The following KAZN variants were observed in gnomAD, a reference collection of about 807,000 sequenced individuals.
The protein encoded by KAZN is kazrin.
In KAZN, 40 loss-of-function variants were observed where a neutral mutation model predicts 87.4. That is an observed-to-expected ratio of 0.46 (90% CI 0.36 to 0.60). The LOEUF is 0.60. Among genes scored for constraint, KAZN ranks in the 20% least tolerant of loss-of-function variants. The probability of loss-of-function intolerance (pLI) is 0.00; values close to 1 mark genes in which losing one functional copy is unlikely to be tolerated. For synonymous variants in KAZN, 466 were observed against 458.3 expected (o/e 1.02, Z -0.22); for missense variants, 898 against 1,073.9 (o/e 0.84, Z 2.29).
chr1:14,724,337 C>G (rs952300650), intron 1 of KAZN, among the ~76,000 whole-genome samples: 2 of 152,200 alleles, frequency 1.3e-5, no homozygotes, highest in African/African-American at 4.8e-5. Context: ...ACAGTAACCA[C>G]AATATCGATG....
chr1:14,576,078 T>C (rs1675159789), intron 2 of KAZN, among the ~76,000 whole-genome samples: 1 of 152,148 alleles, frequency 6.6e-6, no homozygotes, highest in Non-Finnish European at 1.5e-5. Flanking sequence ...TAACTTGGAG[T>C]TGGGAGATGA....
chr1:14,933,112 AT>A (rs1461246627), intron 1 of KAZN, among the ~76,000 whole-genome samples: 1 of 152,128 alleles, frequency 6.6e-6, no homozygotes, highest in Non-Finnish European at 1.5e-5. Context: ...TATTTATGAG[AT>A]GGAGTTTCGC....
At chr1:14,457,237 G>T (rs1667613925) in intron 2 of KAZN, among the ~76,000 whole-genome samples, 2 of 152,286 alleles carry the variant, frequency 1.3e-5, no homozygotes, top group South Asian at 4.2e-4. Flanking sequence ...CTAATATAGT[G>T]ATAATTCACT....
At chr1:14,478,587 C>T (rs1430046160) in intron 2 of KAZN, among the ~76,000 whole-genome samples, 2 of 152,106 alleles carry the variant, frequency 1.3e-5, no homozygotes, top group East Asian at 3.9e-4. Flanking sequence ...TTCCTTCTTC[C>T]TTACTCTTCC....
At chr1:14,456,973 G>C (rs889057380) in intron 2 of KAZN, among the ~76,000 whole-genome samples, 1 of 152,202 alleles carries the variant, frequency 6.6e-6, no homozygotes, top group Non-Finnish European at 1.5e-5. Flanking sequence ...CCAGCTACTT[G>C]GGAGGCTAGG....
Position 15,077,093 on chromosome 1 carries a change from G to T in KAZN, c.1222+11340G>T, listed in dbSNP as rs1315666393. On this transcript the variant is annotated intron_variant, in intron 8 of 14. Coordinates refer to ENST00000376030, the MANE Select transcript of KAZN (RefSeq NM_201628.3). The surrounding 1 kb of genome is among the most constrained non-coding windows in gnomAD (Gnocchi z 4.8). Reference sequence around the variant, plus strand: ...GCAATGCCAGCCTGGTGTTTCCAGAGCTCCAGATCTTCTAGAGAAGCCAAA... The same window carrying T: ...GCAATGCCAGCCTGGTGTTTCCAGATCTCCAGATCTTCTAGAGAAGCCAAA... Among the ~76,000 whole-genome samples, 2 of 152,238 alleles carry T rather than the reference G, an allele frequency of 1.3e-5. No homozygotes were observed. Among genetic ancestry groups the T allele is most frequent in the Non-Finnish European group, 1.5e-5 (1 of 68,046 alleles).
intron 13 of KAZN, among the ~76,000 whole-genome samples, chr1:15,104,873 G>A (rs1245494263): frequency 2.0e-5 from 3 of 152,134 alleles, no homozygotes; most frequent in African/African-American, 7.2e-5. Context: ...CTTCTTCAAA[G>A]GTACCAAGCT....
chr1:14,632,734 C>G (rs1176906859), intron 1 of KAZN, among the ~76,000 whole-genome samples: 1 of 152,050 alleles, frequency 6.6e-6, no homozygotes, highest in African/African-American at 2.4e-5. Flanking sequence ...CAGAAATCCG[C>G]TTGTTTGATT....
At chr1:13,944,303 A>G (rs1641052418) in intron 1 of KAZN, among the ~76,000 whole-genome samples, 1 of 152,250 alleles carries the variant, frequency 6.6e-6, no homozygotes, top group South Asian at 2.1e-4. Flanking sequence ...TTCCATTTCT[A>G]TGATATATCC....
At chr1:14,035,584 C>T (rs1641518208) in intron 1 of KAZN, among the ~76,000 whole-genome samples, 1 of 146,662 alleles carries the variant, frequency 6.8e-6, no homozygotes, top group Middle Eastern at 3.4e-3. Flanking sequence ...ATCCTCCCAC[C>T]TCAGCCCCTC....
chr1:14,783,050 T>A (rs1645404040), intron 1 of KAZN, among the ~76,000 whole-genome samples: 1 of 152,024 alleles, frequency 6.6e-6, no homozygotes, highest in African/African-American at 2.4e-5. Flanking sequence ...CTGGAGGAGC[T>A]AGCATGAAAA....
At chr1:13,906,456 C>A (rs1358785782) in intron 1 of KAZN, among the ~76,000 whole-genome samples, 1 of 152,154 alleles carries the variant, frequency 6.6e-6, no homozygotes, top group South Asian at 2.1e-4. Flanking sequence ...GGAAATGATG[C>A]TTCTAAAACC....
At chr1:13,981,128 T>TATATGTATATA (rs375605048) in intron 1 of KAZN, among the ~76,000 whole-genome samples, 1 of 134,464 alleles carries the variant, frequency 7.4e-6, no homozygotes, top group Non-Finnish European at 1.6e-5. Flanking sequence ...TAAACACAGA[T>TATATGTATATA]TATATATAGT....
intron 1 of KAZN, among the ~76,000 whole-genome samples, chr1:14,841,996 T>A (rs543110436): frequency 6.6e-6 from 1 of 152,354 alleles, no homozygotes; most frequent in East Asian, 1.9e-4. Flanking sequence ...CTAACCTCCT[T>A]CAGGGCTTTG....
At chr1:13,900,527 C>T (rs1260082690) in intron 1 of KAZN, among the ~76,000 whole-genome samples, 2 of 152,158 alleles carry the variant, frequency 1.3e-5, no homozygotes, top group African/African-American at 4.8e-5. Flanking sequence ...GAAGTGGGGT[C>T]CTCATAGCCT....
intron 1 of KAZN, among the ~76,000 whole-genome samples, chr1:13,913,833 G>A (rs1347802481): frequency 6.6e-6 from 1 of 152,180 alleles, no homozygotes; most frequent in African/African-American, 2.4e-5. Flanking sequence ...CTCACTGCAG[G>A]CCTGTTTATT....
At chr1:14,661,115 C>A (rs79683328) in intron 1 of KAZN, among the ~76,000 whole-genome samples, 5,965 of 152,276 alleles carry the variant, frequency 0.039, 180 homozygotes, top group African/African-American at 0.073. Flanking sequence ...CACAAAAATT[C>A]TGTGAGGGAG....
chr1:13,897,686 G>C (rs1639095659), intron 1 of KAZN, among the ~76,000 whole-genome samples: 2 of 152,140 alleles, frequency 1.3e-5, no homozygotes, highest in Admixed American at 6.5e-5. Context: ...GCAGAGTTGA[G>C]ATTTAAACTT....
At chr1:15,058,251 A>G (rs570616825) in intron 5 of KAZN, among the ~76,000 whole-genome samples, 1 of 152,320 alleles carries the variant, frequency 6.6e-6, no homozygotes, top group East Asian at 1.9e-4. Flanking sequence ...TCCCCATGTT[A>G]CACATAACAA....
Sources: gnomAD v4.1 joint callset for allele counts (sites outside exome capture counted in the v4.1 genomes callset) on GRCh38, gnomAD v4.1.1 for gene constraint, Gnocchi (gnomAD v3.1) non-coding constraint, MANE v1.5 for transcripts, NCBI Gene and HGNC (gene_info 2026-07-23, HGNC 2026-07-21) for gene names.